KIAA1958: variants seen among roughly 807,000 people sequenced by gnomAD.
KIAA1958 encodes the protein KIAA1958, also known as uncharacterized protein KIAA1958.
Under a neutral mutation model 47.2 loss-of-function variants are expected in KIAA1958, and 14 were observed. The observed-to-expected ratio is 0.30, with a 90% CI of 0.20 to 0.46. The LOEUF is 0.46. Ranked by LOEUF, KIAA1958 falls within the 20% of genes least tolerant of loss-of-function variation. The pLI is 1.00. For missense variants in KIAA1958, 803 were observed against 909.2 expected (o/e 0.88, Z 1.50); for synonymous variants, 354 against 353.3 (o/e 1.00, Z -0.02).
At position 112,659,367 on chromosome 9, in the gene KIAA1958, A is replaced by C; in HGVS notation, c.1449A>C (p.Arg483=). The C allele has an allele frequency of 6.2e-7, 1 of 1,614,144 alleles. No homozygotes were observed. The highest frequency in any genetic ancestry group is 8.5e-7 in the Non-Finnish European group (1 of 1,180,014). ...CCACCTCGCTCCATGCTATTCGCCG[A>C]GGCCTGGACCGCATCCTGAAGAATG... The part of the protein sequence containing the change: ...FLATSLHAIR[R]GLDRILKNAG... Residue 483 remains arginine, a synonymous_variant, in exon 4 of 4, where the codon CGA becomes CGC. Transcript: ENST00000337530.
intron 2 of KIAA1958, among the ~76,000 whole-genome samples, chr9:112,586,182 A>T (rs540230014): frequency 6.6e-6 from 1 of 152,344 alleles, no homozygotes; most frequent in South Asian, 2.1e-4. Flanking sequence ...ATCAAGGGTG[A>T]TATATGAATA....
At chr9:112,616,565 A>G (rs1218291040) in intron 2 of KIAA1958, among the ~76,000 whole-genome samples, 3 of 152,352 alleles carry the variant, frequency 2.0e-5, no homozygotes, top group South Asian at 2.1e-4. Context: ...TTTATACTGT[A>G]GAAATCAGAA....
At chr9:112,551,474 G>A (rs1053161820) in intron 1 of KIAA1958, among the ~76,000 whole-genome samples, 2 of 152,144 alleles carry the variant, frequency 1.3e-5, no homozygotes. Context: ...TGCTGATATA[G>A]CACAGGCTTT....
intron 2 of KIAA1958, among the ~76,000 whole-genome samples, chr9:112,638,267 G>A (rs373696145): frequency 2.6e-5 from 4 of 152,184 alleles, no homozygotes; most frequent in African/African-American, 9.6e-5. Flanking sequence ...GATTTTGGTA[G>A]GCTGAGGCAG....
At chr9:112,641,423 T>C (rs1391871999) in intron 2 of KIAA1958, among the ~76,000 whole-genome samples, 1 of 151,486 alleles carries the variant, frequency 6.6e-6, no homozygotes, top group African/African-American at 2.4e-5. Flanking sequence ...GGTGGCTTTT[T>C]TTTTTTTTCT....
chr9:112,551,349 A>G (rs966063662), intron 1 of KIAA1958, among the ~76,000 whole-genome samples: 4 of 152,130 alleles, frequency 2.6e-5, no homozygotes, highest in African/African-American at 9.7e-5. Context: ...GGCACCTCAT[A>G]TGTAAGTGGA....
intron 3 of KIAA1958, among the ~76,000 whole-genome samples, chr9:112,658,279 A>G (rs1837187915): frequency 6.6e-6 from 1 of 151,982 alleles, no homozygotes; most frequent in Non-Finnish European, 1.5e-5. Context: ...TTGCTGTGCA[A>G]AATGGACATA....
intron 3 of KIAA1958, among the ~76,000 whole-genome samples, chr9:112,647,946 G>GA (rs1837003640): frequency 1.3e-5 from 2 of 152,160 alleles, no homozygotes; most frequent in South Asian, 4.1e-4. Context: ...CGTTTATTGA[G>GA]AAAAAAATGA....
intron 1 of KIAA1958, among the ~76,000 whole-genome samples, chr9:112,560,198 C>CT (rs745805478): frequency 0.025 from 2,709 of 108,588 alleles, 118 homozygotes; most frequent in African/African-American, 0.055. Context: ...TTTTCTTTTT[C>CT]TTTTTTTTTC....
chr9:112,602,089 A>G (rs977374774), intron 2 of KIAA1958, among the ~76,000 whole-genome samples: 1 of 152,206 alleles, frequency 6.6e-6, no homozygotes, highest in African/African-American at 2.4e-5. Context: ...TTAAAGTTCT[A>G]GGAGAAAACA....
In KIAA1958 at chr9:112,574,718, T is replaced by C. The variant is rs1317486641; in HGVS notation, c.638T>C (p.Ile213Thr). 4 of 1,614,052 alleles carry C rather than the reference T, an allele frequency of 2.5e-6. No homozygotes were observed. Among genetic ancestry groups the C allele is most frequent in the Admixed American group, 1.7e-5 (1 of 59,996 alleles). The change falls in exon 2 of 4, where the codon ATT (isoleucine) becomes ACT (threonine). Residue 213 changes from isoleucine to threonine, a missense_variant. By Grantham distance (89) the Ile-to-Thr change is moderately conservative. Around this residue, in one of 2 missense-constraint regions of KIAA1958, gnomAD observed 761 missense variants for 829.3 expected, o/e 0.92. Coordinates refer to ENST00000337530, the MANE Select transcript of KIAA1958 (RefSeq NM_133465.4). ...IKQEIPEDYY[I>T]VANAELTGGV... ...CAAGAAATCCCCGAAGATTATTACA[T>C]TGTGGCAAATGCAGAACTGACAGGA...
At chr9:112,636,020 T>C (rs1217515527) in intron 2 of KIAA1958, among the ~76,000 whole-genome samples, 1 of 151,284 alleles carries the variant, frequency 6.6e-6, no homozygotes, top group Non-Finnish European at 1.5e-5. Flanking sequence ...CCCACAACTT[T>C]GATATGTATT....
intron 2 of KIAA1958, among the ~76,000 whole-genome samples, chr9:112,593,955 C>G (rs923476261): frequency 6.6e-6 from 1 of 152,120 alleles, no homozygotes. Flanking sequence ...GCCTCGAGCT[C>G]CTGGGCTCAA....
chr9:112,540,098 TC>T (rs1273494348), intron 1 of KIAA1958, among the ~76,000 whole-genome samples: 1 of 152,172 alleles, frequency 6.6e-6, no homozygotes, highest in African/African-American at 2.4e-5. Flanking sequence ...AAGGTACATT[TC>T]AATAAGGAAA....
chr9:112,620,039 A>G (rs974822638), intron 2 of KIAA1958, among the ~76,000 whole-genome samples: 2 of 152,228 alleles, frequency 1.3e-5, no homozygotes, highest in Admixed American at 6.5e-5. Flanking sequence ...AATTCAAAGC[A>G]TTCTTGAAAA....
chr9:112,588,290 A>G (rs1835864097), intron 2 of KIAA1958, among the ~76,000 whole-genome samples: 1 of 152,162 alleles, frequency 6.6e-6, no homozygotes, highest in Non-Finnish European at 1.5e-5. Flanking sequence ...TTTCATCCCG[A>G]TGAGTTTCAC....
chr9:112,661,721 C>A lies in KIAA1958; in HGVS notation c.*1652C>A, dbSNP rs1327157356. The A allele has an allele frequency of 2.0e-5, 3 of 152,168 alleles. No individual in the cohort carries two copies. Among genetic ancestry groups the A allele is most frequent in the African/African-American group, 4.8e-5 (2 of 41,442 alleles). The allele number at this position is 152,168 out of a possible 1,614,324, so 9.4% of individuals were successfully genotyped here. The stretch of plus-strand genomic sequence containing the variant: ...TAAGTTTGTTTACTAGTTGACCTTT[C>A]CTGAATAGAGATTAGTTTCGGCATT... On this transcript the variant is annotated 3_prime_UTR_variant, in exon 4 of 4. Coordinates refer to ENST00000337530, the MANE Select transcript of KIAA1958 (RefSeq NM_133465.4).
chr9:112,626,374 TTTGTC>T (rs1477259945), intron 2 of KIAA1958, among the ~76,000 whole-genome samples: 1 of 152,172 alleles, frequency 6.6e-6, no homozygotes, highest in African/African-American at 2.4e-5. Flanking sequence ...TACAGTGTGA[TTTGTC>T]TTTTTTTTGT....
intron 1 of KIAA1958, among the ~76,000 whole-genome samples, chr9:112,564,890 C>T (rs1747250695): frequency 1.3e-5 from 2 of 152,112 alleles, no homozygotes; most frequent in South Asian, 2.1e-4. Flanking sequence ...GATATTGGCT[C>T]TGCCATTTAC....
Sources: gnomAD v4.1 joint callset for allele counts (sites outside exome capture counted in the v4.1 genomes callset) on GRCh38, gnomAD v4.1.1 for gene constraint, gnomAD v4.1.1 regional missense constraint, MANE v1.5 for transcripts, NCBI Gene and HGNC (gene_info 2026-07-23, HGNC 2026-07-21) for gene names.